ATP10B: variants seen among roughly 807,000 people sequenced by gnomAD.
The protein encoded by ATP10B is phospholipid-transporting ATPase VB.
A neutral mutation model predicts 141.2 loss-of-function variants in ATP10B; 122 were observed. The ratio of observed to expected loss-of-function variants is 0.86; its 90% CI spans 0.75 to 1.00. The LOEUF (loss-of-function observed/expected upper bound fraction) is 1.00, where lower values mean the gene tolerates loss of function less well. ATP10B is among the 50% of genes least tolerant of loss of function. The pLI, the probability that ATP10B is intolerant of heterozygous loss-of-function variation, is 0.00. For synonymous variants in ATP10B, 685 were observed against 692.0 expected (o/e 0.99, Z 0.16); for missense variants, 1,876 against 1,825.3 (o/e 1.03, Z -0.51).
intron 20 of ATP10B, chr5:160,603,358 GT>G (rs780714430): frequency 9.7e-5 from 15 of 154,718 alleles, no homozygotes; most frequent in East Asian, 7.6e-4. Flanking sequence ...TAAATGTGAA[GT>G]GTCTAACACA....
chr5:160,834,701 T>C (rs544357905), intron 1 of ATP10B, among the ~76,000 whole-genome samples: 5 of 152,276 alleles, frequency 3.3e-5, no homozygotes, highest in East Asian at 1.9e-4. Flanking sequence ...TTTCAGACAC[T>C]CACATACAAA....
chr5:160,617,464 T>C lies in ATP10B; in HGVS notation c.2526+400A>G, dbSNP rs150645428. Among the ~76,000 whole-genome samples the C allele has an allele frequency of 5.0e-3, 757 of 152,340 alleles. 7 individuals carry two copies. Among genetic ancestry groups the C allele is most frequent in the African/African-American group, 0.017 (716 of 41,578 alleles). On this transcript the variant is annotated intron_variant, in intron 16 of 25. Transcript: ENST00000327245. Reference sequence around the variant, plus strand: ...TGCCATTCTAGAATGAAAACACAGTTGGCCAGATCCTCTACATTTTTAAAA... The same window carrying C: ...TGCCATTCTAGAATGAAAACACAGTCGGCCAGATCCTCTACATTTTTAAAA...
At chr5:160,914,814 T>A in the ATP10B span, among the ~76,000 whole-genome samples, 1 of 152,194 alleles carries the variant, frequency 6.6e-6, no homozygotes, top group African/African-American at 2.4e-5. Context: ...TGGAAGTTGC[T>A]CAGTGCTCCA....
At chr5:160,754,304 A>C (rs917410809) in intron 2 of ATP10B, among the ~76,000 whole-genome samples, 1 of 152,230 alleles carries the variant, frequency 6.6e-6, no homozygotes, top group African/African-American at 2.4e-5. Context: ...ATACTCAAGA[A>C]GAGACTTTCT....
chr5:160,565,823 G>A lies in ATP10B; in HGVS notation c.4016C>T (p.Pro1339Leu), dbSNP rs1754503064. 2 of 1,613,842 alleles carry A rather than the reference G, an allele frequency of 1.2e-6. No homozygotes were observed. Among genetic ancestry groups the A allele is most frequent in the Admixed American group, 1.7e-5 (1 of 59,980 alleles). ...SKAQKIDKLPPDKRNLEIQSW... is the reference protein window; with the variant it reads ...SKAQKIDKLPLDKRNLEIQSW... ...CTGGATTTCCAGGTTTCTTTTGTCT[G>A]GGGGGAGTTTGTCAATTTTCTGAGC... Residue 1339 changes from proline to leucine, a missense_variant, in exon 26 of 26, where the codon CCA (proline) becomes CTA (leucine). Transcript: ENST00000327245.
intron 17 of ATP10B, among the ~76,000 whole-genome samples, chr5:160,615,169 G>A (rs998176386): frequency 1.3e-5 from 2 of 152,070 alleles, no homozygotes; most frequent in Non-Finnish European, 2.9e-5. Context: ...GCAGCTGATT[G>A]ACATGACCCT....
intron 2 of ATP10B, among the ~76,000 whole-genome samples, chr5:160,746,548 C>T (rs747977006): frequency 2.0e-5 from 3 of 151,934 alleles, no homozygotes; most frequent in Non-Finnish European, 4.4e-5. Context: ...CCTGCCACCA[C>T]GCCCAGCTAA....
intron 1 of ATP10B, among the ~76,000 whole-genome samples, chr5:160,821,687 GC>G (rs1774118368): frequency 1.3e-5 from 2 of 152,060 alleles, no homozygotes; most frequent in South Asian, 4.2e-4. Context: ...AGAATAGAGA[GC>G]CCAGAGTTAA....
intron 1 of ATP10B, among the ~76,000 whole-genome samples, chr5:160,812,034 G>C (rs1204489485): frequency 2.0e-5 from 3 of 150,218 alleles, no homozygotes; most frequent in South Asian, 2.1e-4. Context: ...GAGAGAGAGA[G>C]AGAGAGAGAG....
rs149667842 is a variant in ATP10B, at chr5:160,832,642, A to C, written c.-576+19299T>G. ...AGAATGTAGACTGCTCTTAAGATAC[A>C]TTTGCTCCCACTTGTCAAAGAGATA... is the stretch of plus-strand genomic sequence containing the variant. On this transcript the variant is annotated intron_variant, in intron 1 of 25. Transcript: ENST00000327245. Among the ~76,000 whole-genome samples, 913 of 152,208 alleles carry C rather than the reference A, an allele frequency of 6.0e-3. 13 individuals carry two copies. Among genetic ancestry groups the C allele is most frequent in the African/African-American group, 0.021 (868 of 41,542 alleles).
intron 2 of ATP10B, among the ~76,000 whole-genome samples, chr5:160,771,804 A>T (rs1354054889): frequency 6.6e-6 from 1 of 152,226 alleles, no homozygotes; most frequent in African/African-American, 2.4e-5. Flanking sequence ...GGTAGGAAGG[A>T]TTCTAAGATG....
intron 7 of ATP10B, among the ~76,000 whole-genome samples, chr5:160,652,911 A>ATTATATAATATATAATATAT (rs1456443129): frequency 1.5e-5 from 1 of 68,294 alleles, no homozygotes; most frequent in African/African-American, 7.8e-5. Flanking sequence ...TTATATATAC[A>ATTATATAATATATAATATAT]TGTATATATA....
intron 5 of ATP10B, chr5:160,687,156 C>T (rs988020398): frequency 6.5e-6 from 1 of 153,808 alleles, no homozygotes; most frequent in Non-Finnish European, 1.4e-5. Flanking sequence ...ATAATAGCAC[C>T]ATATACCTCT....
At chr5:160,796,819 A>T (rs1771980038) in intron 1 of ATP10B, among the ~76,000 whole-genome samples, 1 of 152,002 alleles carries the variant, frequency 6.6e-6, no homozygotes, top group South Asian at 2.1e-4. Context: ...ACAAGAAGGG[A>T]ATCCAGAGGA....
At chr5:160,766,948 C>T (rs528741292) in intron 2 of ATP10B, among the ~76,000 whole-genome samples, 1 of 152,266 alleles carries the variant, frequency 6.6e-6, no homozygotes, top group East Asian at 1.9e-4. Flanking sequence ...CCTGCTCCTA[C>T]TCAGTCTTTG....
intron 19 of ATP10B, 138 bp downstream of exon 19, chr5:160,606,627 T>C (rs1757403791): frequency 1.2e-6 from 1 of 847,650 alleles, no homozygotes; most frequent in East Asian, 2.7e-5. Context: ...TTGATTGTCA[T>C]TTTGAACTCT....
At chr5:160,809,552 T>C (rs904236795) in intron 1 of ATP10B, among the ~76,000 whole-genome samples, 1 of 152,226 alleles carries the variant, frequency 6.6e-6, no homozygotes, top group African/African-American at 2.4e-5. Flanking sequence ...GAACATTCAA[T>C]ATCCTCTTTC....
At chr5:160,839,876 G>A (rs902201838) in intron 1 of ATP10B, among the ~76,000 whole-genome samples, 2 of 151,880 alleles carry the variant, frequency 1.3e-5, no homozygotes, top group Non-Finnish European at 2.9e-5. Flanking sequence ...AGCATAACAG[G>A]AGGCAAAAGA....
chr5:160,588,422 T>C (rs972888857), intron 24 of ATP10B, among the ~76,000 whole-genome samples: 4 of 152,154 alleles, frequency 2.6e-5, no homozygotes, highest in Admixed American at 6.5e-5. Flanking sequence ...GAGAGTTCCA[T>C]TGCAGAATGT....
Sources: allele counts gnomAD v4.1 joint callset (sites outside exome capture counted in the v4.1 genomes callset), GRCh38; gene constraint gnomAD v4.1.1; transcripts MANE v1.5; gene names NCBI Gene and HGNC (gene_info 2026-07-23, HGNC 2026-07-21).